Variants in MYO1B observed in about 807,000 individuals in gnomAD.
The protein encoded by MYO1B is myosin IB.
Under a neutral mutation model 159.7 loss-of-function variants are expected in MYO1B, and 72 were observed. The observed-to-expected ratio is 0.45, with a 90% CI of 0.37 to 0.55. The LOEUF (loss-of-function observed/expected upper bound fraction) is 0.55. MYO1B is among the 20% of genes least tolerant of loss of function. The pLI is 0.00. For missense variants in MYO1B, 1,062 were observed against 1,364.8 expected, an observed-to-expected ratio of 0.78 and a Z score of 3.50; for synonymous variants, 468 against 473.8, an observed-to-expected ratio of 0.99 and a Z score of 0.16.
chr2:191,282,952 A>G (rs1000318891), intron 2 of MYO1B, among the ~76,000 whole-genome samples: 1 of 152,230 alleles, frequency 6.6e-6, no homozygotes, highest in Non-Finnish European at 1.5e-5. Flanking sequence ...TTGAGAACAA[A>G]TTGTGTGTGC....
chr2:191,402,251 G>A (rs1213087612), intron 23 of MYO1B: 2 of 219,318 alleles, frequency 9.1e-6, no homozygotes, highest in Non-Finnish European at 1.8e-5. Flanking sequence ...TCAGCAAAGG[G>A]GAGTCTAATG....
chr2:191,346,860 C>T (rs1284914766), intron 6 of MYO1B, among the ~76,000 whole-genome samples: 1 of 152,132 alleles, frequency 6.6e-6, no homozygotes, highest in Non-Finnish European at 1.5e-5. Context: ...TCCATCTTTC[C>T]AGCCTCATCC....
chr2:191,279,766 TAA>T (rs34604771), intron 2 of MYO1B, among the ~76,000 whole-genome samples: 1 of 151,324 alleles, frequency 6.6e-6, no homozygotes, highest in Non-Finnish European at 1.5e-5. Context: ...AAGATGCAGT[TAA>T]AAAAAAACAT....
At chr2:191,298,257 T>C (rs1689102182) in intron 3 of MYO1B, among the ~76,000 whole-genome samples, 1 of 152,248 alleles carries the variant, frequency 6.6e-6, no homozygotes, top group South Asian at 2.1e-4. Flanking sequence ...CAAATTCTGA[T>C]CATTTTGTTT....
At chr2:191,273,370 G>A (rs1687571908) in intron 1 of MYO1B, among the ~76,000 whole-genome samples, 1 of 152,122 alleles carries the variant, frequency 6.6e-6, no homozygotes, top group South Asian at 2.1e-4. Flanking sequence ...TGATCCACTT[G>A]CCTCGGCCTC....
In MYO1B at chr2:191,411,182, C is replaced by T; in HGVS notation, c.2873+10C>T. The T allele has an allele frequency of 4.0e-6, 6 of 1,500,708 alleles. No individual in the cohort carries two copies. The highest frequency in any genetic ancestry group is 5.5e-6 in the Non-Finnish European group (6 of 1,100,088). The allele number at this position is 1,500,708 out of a possible 1,614,324, so 93.0% of individuals were successfully genotyped here. A position where few individuals can be genotyped will look rare whatever the true frequency, so the allele number is the denominator to read the frequency against. On this transcript the variant is annotated intron_variant, in intron 27 of 30. Coordinates refer to ENST00000392318, the MANE Select transcript of MYO1B (RefSeq NM_001130158.3). ...CTTTATACCCATCTAGGTATTATGG[C>T]TTTGCTTTACCCATAAAATTCAGGA...
At chr2:191,415,589 TTTTTG>T (rs930565170) in intron 29 of MYO1B, among the ~76,000 whole-genome samples, 2 of 150,988 alleles carry the variant, frequency 1.3e-5, no homozygotes, top group African/African-American at 5.0e-5. Flanking sequence ...CATGTTTTTT[TTTTTG>T]TTTTGTTTTG....
Position 191,386,014 on chromosome 2 carries a change from A to C in MYO1B, c.1484A>C (p.Lys495Thr). The stretch of plus-strand genomic sequence containing the variant: ...CAGCATTTTGAGAGCAGGATGAGCA[A>C]GTGCTCTCGGTTCCTCAATGACACG... ...THQHFESRMS[K>T]CSRFLNDTSL... Residue 495 changes from lysine (K) to threonine (T), a missense_variant, in exon 16 of 31, where the codon AAG becomes ACG. Around this residue, in one of 5 missense-constraint regions of MYO1B, gnomAD observed 26 missense variants for 26.9 expected, o/e 0.97. Coordinates refer to ENST00000392318, the MANE Select transcript of MYO1B (RefSeq NM_001130158.3). 1 of 1,614,146 alleles carries C rather than the reference A, an allele frequency of 6.2e-7. No homozygotes were observed. Among genetic ancestry groups the C allele is most frequent in the Non-Finnish European group, 8.5e-7 (1 of 1,179,998 alleles).
intron 1 of MYO1B, among the ~76,000 whole-genome samples, chr2:191,271,083 A>G (rs1261151356): frequency 6.6e-6 from 1 of 152,232 alleles, no homozygotes; most frequent in Non-Finnish European, 1.5e-5. Flanking sequence ...AATAAAGATG[A>G]ATAAGGCATG....
chr2:191,383,119 A>T (rs1018055441), intron 14 of MYO1B, among the ~76,000 whole-genome samples, 161 bp from the exon 15 acceptor site: 10 of 152,122 alleles, frequency 6.6e-5, no homozygotes, highest in Non-Finnish European at 1.5e-5. Context: ...GCATTGAGAA[A>T]GTTTTGGGAA....
chr2:191,306,849 G>A (rs1689678411), intron 3 of MYO1B, among the ~76,000 whole-genome samples: 1 of 152,178 alleles, frequency 6.6e-6, no homozygotes, highest in Non-Finnish European at 1.5e-5. Flanking sequence ...CCAGGTAATT[G>A]ACAGCAGATA....
chr2:191,287,170 A>C (rs1335135534), intron 2 of MYO1B, among the ~76,000 whole-genome samples: 6 of 152,072 alleles, frequency 3.9e-5, no homozygotes. Flanking sequence ...TGATGTTTTG[A>C]CACACAACCT....
chr2:191,336,934 C>T (rs1037115474), intron 4 of MYO1B, among the ~76,000 whole-genome samples: 3 of 152,008 alleles, frequency 2.0e-5, no homozygotes, highest in African/African-American at 7.3e-5. Context: ...GTATGGCCCT[C>T]TCTATATGCC....
chr2:191,415,296 C>T (rs1018347953), intron 29 of MYO1B, among the ~76,000 whole-genome samples: 4 of 152,322 alleles, frequency 2.6e-5, no homozygotes, highest in African/African-American at 9.6e-5. Flanking sequence ...CACATAGTCA[C>T]TGAATAAACA....
At chr2:191,397,200 T>A (rs1306391406) in intron 21 of MYO1B, among the ~76,000 whole-genome samples, 3 of 148,760 alleles carry the variant, frequency 2.0e-5, no homozygotes, top group Non-Finnish European at 4.5e-5. Context: ...TTATTTTATT[T>A]ATTTTTTTTT....
intron 18 of MYO1B, 82 bp from the exon 19 acceptor site, chr2:191,392,026 A>G: frequency 2.1e-6 from 2 of 943,440 alleles, no homozygotes; most frequent in Non-Finnish European, 3.2e-6. Flanking sequence ...GTTTTATACC[A>G]CTGAGAACCT....
At chr2:191,263,137 T>A (rs1422320453) in intron 1 of MYO1B, 2 of 155,980 alleles carry the variant, frequency 1.3e-5, no homozygotes, top group African/African-American at 4.8e-5. Flanking sequence ...GAGTCCAGCA[T>A]GTATCCATGA....
Position 191,390,296 on chromosome 2 carries a change from A to T in MYO1B, c.1786A>T (p.Ile596Phe). 1 of 1,613,190 alleles carries T rather than the reference A, an allele frequency of 6.2e-7. No homozygotes were observed. The highest frequency in any genetic ancestry group is 1.3e-5 in the African/African-American group (1 of 75,052). The change falls in exon 18 of 31, where the codon ATC (isoleucine) becomes TTC (phenylalanine). Residue 596 changes from isoleucine to phenylalanine, a missense_variant. Ile to Phe is a conservative substitution (Grantham distance 21). This residue lies in a region of MYO1B where 609 missense variants were observed against 744.4 expected (regional missense o/e 0.82). Transcript: ENST00000392318. The part of the protein sequence containing the change: ...QTKNPNYIRC[I>F]KPNDKKAAHI... ...AAAATCTTTGTGATCTTTAAGGTGT[A>T]TCAAACCGAATGATAAAAAAGCAGC...
chr2:191,309,410 C>A (rs1214846343), intron 3 of MYO1B, among the ~76,000 whole-genome samples: 1 of 152,184 alleles, frequency 6.6e-6, no homozygotes, highest in East Asian at 1.9e-4. Context: ...CTTCAACTCT[C>A]CTGTTGCCTC....
Sources: gnomAD v4.1 joint callset for allele counts (sites outside exome capture counted in the v4.1 genomes callset) on GRCh38, gnomAD v4.1.1 for gene constraint, gnomAD v4.1.1 regional missense constraint, MANE v1.5 for transcripts, NCBI Gene and HGNC (gene_info 2026-07-23, HGNC 2026-07-21) for gene names.